CTTN: variants seen among roughly 807,000 people sequenced by gnomAD.
CTTN encodes src substrate cortactin.
Under a neutral mutation model 84.0 loss-of-function variants are expected in CTTN, and 28 were observed. The observed-to-expected ratio is 0.33, with a 90% CI of 0.25 to 0.46. The LOEUF is 0.46. Ranked by LOEUF, CTTN falls within the 20% of genes least tolerant of loss-of-function variation. The pLI, the probability that CTTN is intolerant of heterozygous loss-of-function variation, is 1.00. For synonymous variants in CTTN, 301 were observed against 288.8 expected (o/e 1.04, Z -0.43); for missense variants, 641 against 723.8 (o/e 0.89, Z 1.31).
At chr11:70,422,642 G>GCC in intron 11 of CTTN, 1 of 1,382,240 alleles carries the variant, frequency 7.2e-7, no homozygotes, top group Non-Finnish European at 9.5e-7. Context: ...GCCTGTCCGT[G>GCC]CCCTCTTTCC....
At chr11:70,403,664 C>G (rs1216922698) in intron 1 of CTTN, among the ~76,000 whole-genome samples, 1 of 152,024 alleles carries the variant, frequency 6.6e-6, no homozygotes, top group Non-Finnish European at 1.5e-5. Context: ...AAAATTTACA[C>G]CCTTTTAGGA....
rs777612042 is a variant in CTTN at position 70,435,569 on chromosome 11, C to G, written c.*407C>G. 6.4e-7 allele frequency: 1 copy of G among 1,563,920 alleles called. No individual in the cohort carries two copies. Among genetic ancestry groups the G allele is most frequent in the African/African-American group, 1.3e-5 (1 of 74,160 alleles). On this transcript the variant is annotated 3_prime_UTR_variant, in exon 18 of 18. Transcript: ENST00000301843. ...ACGAGGCCTCAGGTCGGCCCTGTGG[C>G]GGGTAGGCAGGAAGGACTGTCCCAG...
intron 6 of CTTN, among the ~76,000 whole-genome samples, 177 bp from the exon 7 acceptor site, chr11:70,415,486 T>C (rs1433928997): frequency 6.6e-6 from 1 of 152,160 alleles, no homozygotes; most frequent in Non-Finnish European, 1.5e-5. Context: ...GGCCTGTCCG[T>C]TTAGGATGCC....
chr11:70,436,563 A>AT lies in CTTN; in HGVS notation c.*1407dup, dbSNP rs1338233940. The AT allele has an allele frequency of 2.8e-6, 2 of 702,790 alleles. No homozygotes were observed. The highest frequency in any genetic ancestry group is 4.7e-6 in the Non-Finnish European group (2 of 423,664). The allele number at this position is 702,790 out of a possible 1,614,324, so 43.5% of individuals were successfully genotyped here. ...TTAAATTAAAGAATTCAGAATAAAC[A>AT]TTTTTTGATCCACTTGCGTGATTTG... On this transcript the variant is annotated 3_prime_UTR_variant, in exon 18 of 18. Coordinates refer to ENST00000301843, the MANE Select transcript of CTTN (RefSeq NM_005231.4).
intron 5 of CTTN, chr11:70,410,539 C>T (rs115257932): frequency 0.013 from 2,017 of 152,816 alleles, 38 homozygotes; most frequent in African/African-American, 0.046. Flanking sequence ...CAGACTGCCA[C>T]GCAGACGTTG....
chr11:70,407,418 T>C, intron 3 of CTTN, 34 bp downstream of exon 3: 1 of 1,611,800 alleles, frequency 6.2e-7, no homozygotes, highest in Non-Finnish European at 8.5e-7. Flanking sequence ...TCCTCTTTCA[T>C]GAAGTGGAAG....
Position 70,435,990 on chromosome 11 carries a change from C to A in CTTN, c.*828C>A. ...CAAAGGCTGATGTCTTAACTGTCAC[C>A]CATATGGTCCCTGGGCCACCGGGCA... On this transcript the variant is annotated 3_prime_UTR_variant, in exon 18 of 18. Transcript: ENST00000301843. 1 of 1,429,386 alleles carries A rather than the reference C, an allele frequency of 7.0e-7. No individual in the cohort carries two copies. The highest frequency in any genetic ancestry group is 9.1e-7 in the Non-Finnish European group (1 of 1,098,552). The allele number at this position is 1,429,386 out of a possible 1,614,324, so 88.5% of individuals were successfully genotyped here. A position where few individuals can be genotyped will look rare whatever the true frequency, so the allele number is the denominator to read the frequency against.
At chr11:70,411,943 C>G (rs138858392) in intron 5 of CTTN, among the ~76,000 whole-genome samples, 30 of 152,326 alleles carry the variant, frequency 2.0e-4, no homozygotes, top group African/African-American at 6.7e-4. Context: ...CGTGCCCCCC[C>G]CTTAGGCCAG....
At chr11:70,434,373 A>G (rs991748088) in intron 17 of CTTN, among the ~76,000 whole-genome samples, 4 of 152,200 alleles carry the variant, frequency 2.6e-5, no homozygotes, top group African/African-American at 9.7e-5. Flanking sequence ...TGCAGTTGAC[A>G]AGCATCTTAC....
intron 1 of CTTN, among the ~76,000 whole-genome samples, chr11:70,405,010 A>C (rs993848535): frequency 3.9e-5 from 6 of 152,240 alleles, no homozygotes; most frequent in Admixed American, 2.6e-4. Context: ...CTCAAAAAAA[A>C]CAAAACAAAA....
At chr11:70,430,415 G>T (rs1002609022) in intron 14 of CTTN, among the ~76,000 whole-genome samples, 3 of 152,238 alleles carry the variant, frequency 2.0e-5, no homozygotes, top group African/African-American at 7.2e-5. Context: ...CAGCAGGGCT[G>T]TGTTCCTCCT....
intron 14 of CTTN, 116 bp downstream of exon 14, chr11:70,429,315 G>T: frequency 4.9e-6 from 6 of 1,225,256 alleles, no homozygotes; most frequent in East Asian, 2.6e-5. Flanking sequence ...TCCTTGGAAG[G>T]CATGTTTAAC....
At position 70,435,603 on chromosome 11, in the gene CTTN, C is replaced by T. The variant is rs1189973851; in HGVS notation, c.*441C>T. The T allele has an allele frequency of 6.3e-7, 1 of 1,582,814 alleles. No homozygotes were observed. Among genetic ancestry groups the T allele is most frequent in the Non-Finnish European group, 8.5e-7 (1 of 1,172,080 alleles). On this transcript the variant is annotated 3_prime_UTR_variant, in exon 18 of 18. Coordinates refer to ENST00000301843, the MANE Select transcript of CTTN (RefSeq NM_005231.4). ...AGGAAGGACTGTCCCAGACGAGGGG[C>T]TTCCTCTAGAGTCTCACTGCTGGGG...
In CTTN at chr11:70,408,979, GTACAAAACCC is replaced by G. The variant is rs1444715676; in HGVS notation, c.162-850_162-841del. 2.6e-5 allele frequency among the ~76,000 whole-genome samples: 4 copies of G among 152,150 alleles called. No individual in the cohort carries two copies. In the East Asian group the frequency reaches 7.7e-4, roughly 29 times the overall value. On this transcript the variant is annotated intron_variant, in intron 4 of 17. Coordinates refer to ENST00000301843, the MANE Select transcript of CTTN (RefSeq NM_005231.4). ...GGCTTGGAGAAAAAACAACTCTCCAGTACAAAACCCTTGGGCTGGTTAGGATTCAGAGAGG... is the reference window on the plus strand; with the variant it reads ...GGCTTGGAGAAAAAACAACTCTCCAGTTGGGCTGGTTAGGATTCAGAGAGG...
At chr11:70,407,004 T>C (rs540332056) in intron 2 of CTTN, among the ~76,000 whole-genome samples, 30 of 152,252 alleles carry the variant, frequency 2.0e-4, no homozygotes, top group African/African-American at 7.0e-4. Context: ...AATAAATAAG[T>C]GCACACACGA....
intron 12 of CTTN, among the ~76,000 whole-genome samples, chr11:70,423,854 TG>T (rs550214035): frequency 1.3e-5 from 2 of 152,074 alleles, no homozygotes; most frequent in African/African-American, 2.4e-5. Flanking sequence ...CAAGGAACAC[TG>T]GGGGGGTCTA....
At chr11:70,411,446 A>AG (rs985234658) in intron 5 of CTTN, among the ~76,000 whole-genome samples, 2 of 152,130 alleles carry the variant, frequency 1.3e-5, no homozygotes, top group African/African-American at 4.8e-5. Flanking sequence ...GCACACGGAC[A>AG]GACGGAATCC....
intron 16 of CTTN, among the ~76,000 whole-genome samples, 174 bp from the exon 17 acceptor site, chr11:70,433,473 A>G (rs918365822): frequency 7.2e-5 from 11 of 152,066 alleles, no homozygotes; most frequent in African/African-American, 2.7e-4. Flanking sequence ...GCTGGGTCCC[A>G]GGAAGATCCC....
Position 70,421,521 on chromosome 11 carries a change from A to G in CTTN, c.842A>G (p.Asp281Gly), listed in dbSNP as rs1591443666. 6.2e-7 allele frequency: 1 copy of G among 1,613,822 alleles called. No individual in the cohort carries two copies. Among genetic ancestry groups the G allele is most frequent in the Non-Finnish European group, 8.5e-7 (1 of 1,179,966 alleles). The change falls in exon 11 of 18, where the codon GAC becomes GGC. Residue 281 changes from aspartate (D) to glycine (G), a missense_variant. This residue lies in a region of CTTN where 289 missense variants were observed against 273.1 expected (regional missense o/e 1.06). Transcript: ENST00000301843. ...GKFGVQSERQ[D>G]SAAVGFDYKE... ...TTCGGTGTTCAGTCGGAGAGGCAGG[A>G]CTCCGCTGCTGTGGGGTTTGATTAC...
Sources: gnomAD v4.1 joint callset for allele counts (sites outside exome capture counted in the v4.1 genomes callset) on GRCh38, gnomAD v4.1.1 for gene constraint, gnomAD v4.1.1 regional missense constraint, MANE v1.5 for transcripts, NCBI Gene and HGNC (gene_info 2026-07-23, HGNC 2026-07-21) for gene names.